Variants in CHRNB4 observed in about 807,000 individuals in gnomAD.
CHRNB4 encodes the protein cholinergic receptor nicotinic beta 4 subunit.
A neutral mutation model predicts 40.4 loss-of-function variants in CHRNB4; 23 were observed. The observed-to-expected ratio is 0.57, with a 90% CI of 0.41 to 0.81. CHRNB4 has a LOEUF of 0.81. CHRNB4 is among the 30% of genes least tolerant of loss of function. The pLI is 0.00. For missense variants in CHRNB4, 568 were observed against 670.6 expected, an observed-to-expected ratio of 0.85 and a Z score of 1.69; for synonymous variants, 285 against 274.4, an observed-to-expected ratio of 1.04 and a Z score of -0.38.
At chr15:78,636,602 C>CT (rs1366686277) in intron 1 of CHRNB4, among the ~76,000 whole-genome samples, 2 of 151,548 alleles carry the variant, frequency 1.3e-5, no homozygotes, top group Non-Finnish European at 2.9e-5. Context: ...GTCTCACTTC[C>CT]TGTTTTTTCC....
chr15:78,635,564 C>G lies in CHRNB4; in HGVS notation c.79G>C (p.Glu27Gln), dbSNP rs773535871. 2 of 1,614,156 alleles carry G rather than the reference C, an allele frequency of 1.2e-6. No individual in the cohort carries two copies. The highest frequency in any genetic ancestry group is 1.7e-6 in the Non-Finnish European group (2 of 1,180,016). Residue 27 changes from glutamate (E) to glutamine (Q), a missense_variant, in exon 2 of 6, where the codon GAG becomes CAG. Around this residue, in one of 4 missense-constraint regions of CHRNB4, gnomAD observed 161 missense variants for 148.1 expected, o/e 1.09. Coordinates refer to ENST00000261751, the MANE Select transcript of CHRNB4 (RefSeq NM_000750.5). Reference sequence around the variant, plus strand: ...AGAAGGTCGTCCATCAGCTTTTCCTCCGCATTGGCCACGCGGCAGTTCCCT... The same window carrying G: ...AGAAGGTCGTCCATCAGCTTTTCCTGCGCATTGGCCACGCGGCAGTTCCCT... ...GRGNCRVANA[E>Q]EKLMDDLLNK...
intron 2 of CHRNB4, among the ~76,000 whole-genome samples, chr15:78,633,646 C>T (rs554139864): frequency 3.0e-4 from 45 of 152,314 alleles, no homozygotes; most frequent in Admixed American, 2.5e-3. Context: ...CCTGCATACC[C>T]CCGATCTCTT....
Position 78,625,151 on chromosome 15 carries a change from G to A in CHRNB4, c.1479C>T (p.Tyr493=), listed in dbSNP as rs369616812. Residue 493 remains tyrosine, a synonymous_variant, in exon 6 of 6, where the codon TAC becomes TAT. Transcript: ENST00000261751. ...FQTHAASEGP[Y]AAQRD ...GGGGCCCTCAGTCACGCTGGGCAGC[G>A]TAGGGCCCCTCAGAAGCTGCATGGG... is the stretch of plus-strand genomic sequence containing the variant. 9.9e-6 allele frequency: 16 copies of A among 1,613,830 alleles called. No individual in the cohort carries two copies. Among genetic ancestry groups the A allele is most frequent in the South Asian group, 9.9e-5 (9 of 91,070 alleles).
chr15:78,648,039 G>C (rs1401772086), intron 7 of CHRNB4, among the ~76,000 whole-genome samples: 1 of 151,932 alleles, frequency 6.6e-6, no homozygotes, highest in East Asian at 1.9e-4. Context: ...GGGCCTTTAA[G>C]AAATGATTAA....
chr15:78,661,463 C>T, upstream of CHRNB4: 1 of 516,270 alleles, frequency 1.9e-6, no homozygotes, highest in Non-Finnish European at 3.8e-6. Context: ...ACAGCCTCTT[C>T]AGTACAACCT....
At chr15:78,641,259 A>C (rs1017811487), upstream of CHRNB4, 2 of 839,552 alleles carry the variant, frequency 2.4e-6, no homozygotes, top group African/African-American at 3.7e-5. Context: ...GGCGCTCACT[A>C]GGACCCCGCG....
In CHRNB4 at chr15:78,629,429, CACATCGAGGGAGGT is replaced by C. The variant is rs909812947; in HGVS notation, c.862_875del (p.Thr288AlafsTer149). 24 of 1,614,070 alleles carry C rather than the reference CACATCGAGGGAGGT, an allele frequency of 1.5e-5. No individual in the cohort carries two copies. The highest frequency in any genetic ancestry group is 1.9e-5 in the Non-Finnish European group (23 of 1,180,016). On this transcript the variant is annotated frameshift_variant, in exon 5 of 6. Transcript: ENST00000261751. LOFTEE classifies it high-confidence loss of function. This position sits in a 1 kb window ranked among gnomAD's most constrained non-coding sequence, Gnocchi z 6.8. Reference sequence around the variant, plus strand: ...ACATGAGGTACTTGCCGATGAGAGGCACATCGAGGGAGGTGGGTGGCACGATCTTGGAGATGAGC... The same window carrying C: ...ACATGAGGTACTTGCCGATGAGAGGCGGGTGGCACGATCTTGGAGATGAGC...
At chr15:78,626,375 TG>T (rs1567108109) in intron 5 of CHRNB4, 5,622 of 145,268 alleles carry the variant, frequency 0.039, 123 homozygotes, top group East Asian at 0.052. Context: ...TGTGTGTGTG[TG>T]TGTGTGTGTT....
Position 78,635,602 on chromosome 15 carries a change from A to G in CHRNB4, c.56-15T>C. 1 of 1,613,750 alleles carries G rather than the reference A, an allele frequency of 6.2e-7. No homozygotes were observed. Among genetic ancestry groups the G allele is most frequent in the Non-Finnish European group, 8.5e-7 (1 of 1,179,746 alleles). On this transcript the variant is annotated splice_polypyrimidine_tract_variant and intron_variant, in intron 1 of 5. Transcript: ENST00000261751. ...GCGGCAGTTCCCTGAGAAAACACAC[A>G]GTCAGACCTGCTGGGCCCTTGTGCA...
rs370880541 is a variant in CHRNB4, at chr15:78,629,498, T to G, written c.807A>C (p.Ser269=). The change falls in exon 5 of 6, where the codon TCA becomes TCC. Residue 269 remains serine, a synonymous_variant. Coordinates refer to ENST00000261751, the MANE Select transcript of CHRNB4 (RefSeq NM_000750.5). This position sits in a 1 kb window ranked among gnomAD's most constrained non-coding sequence, Gnocchi z 6.8. ...DCGEKMTLCI[S]VLLALTFFLL... ...GGAAGAATGTCAGTGCCAGCAGCAC[T>G]GAGATGCACAGTGTCATCTTCTCGC... 6.2e-7 allele frequency: 1 copy of G among 1,614,114 alleles called. No individual in the cohort carries two copies.
At chr15:78,661,232 G>T (rs1389943329), upstream of CHRNB4, 7 of 608,682 alleles carry the variant, frequency 1.2e-5, no homozygotes, top group Non-Finnish European at 2.2e-5. Flanking sequence ...TCCAGGGCCA[G>T]CTGGTCAAAA....
At chr15:78,640,446 C>A (rs2054045409) in intron 1 of CHRNB4, among the ~76,000 whole-genome samples, 1 of 152,216 alleles carries the variant, frequency 6.6e-6, no homozygotes. Context: ...GGGTGGGTGA[C>A]CAGAGGCAGC....
chr15:78,649,587 G>A lies in CHRNB4; in HGVS notation c.-15-148C>T, dbSNP rs866249030. ...TGGCTTTTTACACAAAAAGTTTGCT[G>A]ACCCTTGATCTAAAGTCACAATTAT... On this transcript the variant is annotated intron_variant and NMD_transcript_variant, in intron 6 of 11. Coordinates refer to the CHRNB4 transcript ENST00000559849. The A allele has an allele frequency of 4.1e-5, 12 of 290,694 alleles. 1 individual carries two copies. The Middle Eastern group carries it at 5.5e-3, about 133-fold the overall frequency. The allele number at this position is 290,694 out of a possible 1,614,324, so 18.0% of individuals were successfully genotyped here. A position where few individuals can be genotyped will look rare whatever the true frequency, so the allele number is the denominator to read the frequency against.
At chr15:78,655,941 G>C (rs947606829) in intron 4 of CHRNB4, among the ~76,000 whole-genome samples, 6 of 152,102 alleles carry the variant, frequency 3.9e-5, no homozygotes, top group African/African-American at 1.4e-4. Context: ...GTAGAGGTTT[G>C]ATAGATTTAT....
chr15:78,629,973 T>C lies in CHRNB4; in HGVS notation c.360-28A>G. 1 of 1,521,972 alleles carries C rather than the reference T, an allele frequency of 6.6e-7. No homozygotes were observed. Among genetic ancestry groups the C allele is most frequent in the Non-Finnish European group, 8.7e-7 (1 of 1,143,390 alleles). The allele number at this position is 1,521,972 out of a possible 1,614,324, so 94.3% of individuals were successfully genotyped here. A position where few individuals can be genotyped will look rare whatever the true frequency, so the allele number is the denominator to read the frequency against. ...GGGCAGGGTCAGGGCATGGAGAACA[T>C]CGTGAAACCCATACACAAAACCTGG... On this transcript the variant is annotated intron_variant, in intron 4 of 5. Coordinates refer to ENST00000261751, the MANE Select transcript of CHRNB4 (RefSeq NM_000750.5). The surrounding 1 kb of genome is among the most constrained non-coding windows in gnomAD (Gnocchi z 6.8).
chr15:78,625,678 C>A (rs1018869111), intron 5 of CHRNB4, among the ~76,000 whole-genome samples: 6 of 152,220 alleles, frequency 3.9e-5, no homozygotes, highest in Admixed American at 6.5e-5. Context: ...ACTGCCTGAG[C>A]TGGTTCTAGC....
intron 7 of CHRNB4, among the ~76,000 whole-genome samples, chr15:78,649,053 C>A (rs999112298): frequency 1.3e-5 from 2 of 152,162 alleles, no homozygotes; most frequent in Non-Finnish European, 2.9e-5. Context: ...ACTGGGATTA[C>A]AAGTGTGAGC....
upstream of CHRNB4, among the ~76,000 whole-genome samples, chr15:78,642,260 T>C (rs1349034231): frequency 1.3e-5 from 2 of 152,230 alleles, no homozygotes; most frequent in Non-Finnish European, 2.9e-5. Flanking sequence ...TTGGGATGCT[T>C]TGGAGAAGTT....
In CHRNB4 at chr15:78,629,846, G is replaced by A; in HGVS notation, c.459C>T (p.Cys153=). 1 of 1,614,072 alleles carries A rather than the reference G, an allele frequency of 6.2e-7. No individual in the cohort carries two copies. Among genetic ancestry groups the A allele is most frequent in the Non-Finnish European group, 8.5e-7 (1 of 1,180,032 alleles). ...WLPPAIYKSA[C]KIEVKYFPFD... The stretch of plus-strand genomic sequence containing the variant: ...AGGGAAAGTACTTCACCTCAATCTT[G>A]CAGGCGCTCTTGTAGATGGCAGGGG... Residue 153 remains cysteine, a synonymous_variant, in exon 5 of 6, where the codon TGC becomes TGT. Coordinates refer to ENST00000261751, the MANE Select transcript of CHRNB4 (RefSeq NM_000750.5). The surrounding 1 kb of genome is among the most constrained non-coding windows in gnomAD (Gnocchi z 6.8).
Sources: gnomAD v4.1 joint callset for allele counts (sites outside exome capture counted in the v4.1 genomes callset) on GRCh38, gnomAD v4.1.1 for gene constraint, gnomAD v4.1.1 regional missense constraint, Gnocchi (gnomAD v3.1) non-coding constraint, MANE v1.5 for transcripts, NCBI Gene and HGNC (gene_info 2026-07-23, HGNC 2026-07-21) for gene names.